CFDP1: variants seen among roughly 807,000 people sequenced by gnomAD.
CFDP1 encodes the protein heterochromatin-stabilizing protein CFDP1.
Under a neutral mutation model 40.1 loss-of-function variants are expected in CFDP1, and 31 were observed. The observed-to-expected ratio is 0.77, with a 90% CI of 0.58 to 1.04. CFDP1 has a LOEUF of 1.04. Among genes scored for constraint, CFDP1 ranks in the 50% least tolerant of loss-of-function variants. CFDP1 has a pLI of 0.00. For synonymous variants in CFDP1, 167 were observed against 120.0 expected, an observed-to-expected ratio of 1.39 and a Z score of -2.56; for missense variants, 423 against 343.4, an observed-to-expected ratio of 1.23 and a Z score of -1.83.
At chr16:75,357,459 T>C (rs1380374217) in intron 5 of CFDP1, among the ~76,000 whole-genome samples, 1 of 152,100 alleles carries the variant, frequency 6.6e-6, no homozygotes, top group Non-Finnish European at 1.5e-5. Flanking sequence ...TTCACCATAT[T>C]GGCCAGGCTG....
intron 5 of CFDP1, among the ~76,000 whole-genome samples, chr16:75,350,225 GAT>G (rs924132933): frequency 2.5e-4 from 38 of 152,264 alleles, no homozygotes; most frequent in African/African-American, 8.7e-4. Flanking sequence ...TTTTTGTGTG[GAT>G]ATATGTTTTC....
intron 5 of CFDP1, among the ~76,000 whole-genome samples, chr16:75,367,113 G>A (rs1442070999): frequency 6.8e-6 from 1 of 147,278 alleles, no homozygotes; most frequent in African/African-American, 2.5e-5. Flanking sequence ...GCAGCGAGCC[G>A]AGATGGCGCC....
chr16:75,321,198 C>G (rs12922951), intron 5 of CFDP1, among the ~76,000 whole-genome samples: 76,201 of 152,042 alleles, frequency 0.5, 20,669 homozygotes, highest in Admixed American at 0.66. Flanking sequence ...CTCCTGGGCT[C>G]AAGGGATCCT....
intron 5 of CFDP1, among the ~76,000 whole-genome samples, chr16:75,382,157 CTT>C (rs1274631231): frequency 2.0e-5 from 3 of 151,412 alleles, no homozygotes; most frequent in Non-Finnish European, 2.9e-5. Context: ...GCATACCAGT[CTT>C]ACTGAGAAGG....
At chr16:75,318,067 G>C (rs759481032) in intron 5 of CFDP1, among the ~76,000 whole-genome samples, 1 of 152,102 alleles carries the variant, frequency 6.6e-6, no homozygotes, top group Non-Finnish European at 1.5e-5. Context: ...GTTGCAGTGT[G>C]CCGAGATCGC....
chr16:75,303,927 T>C (rs2078240712), intron 6 of CFDP1, among the ~76,000 whole-genome samples: 1 of 152,174 alleles, frequency 6.6e-6, no homozygotes, highest in African/African-American at 2.4e-5. Flanking sequence ...GGTGGGACAC[T>C]CAACATTTCC....
chr16:75,309,053 G>T (rs950070017), intron 5 of CFDP1, among the ~76,000 whole-genome samples: 2 of 152,112 alleles, frequency 1.3e-5, no homozygotes, highest in Admixed American at 6.5e-5. Context: ...TTTATTTGAG[G>T]CTAAATCAAA....
At chr16:75,303,746 T>C (rs1290700114) in intron 6 of CFDP1, among the ~76,000 whole-genome samples, 1 of 152,212 alleles carries the variant, frequency 6.6e-6, no homozygotes, top group African/African-American at 2.4e-5. Context: ...ATATTACATA[T>C]ACGTAAGCAA....
chr16:75,303,156 C>T (rs983266666), intron 6 of CFDP1, among the ~76,000 whole-genome samples: 2 of 136,864 alleles, frequency 1.5e-5, no homozygotes, highest in African/African-American at 5.6e-5. Flanking sequence ...CCCAAGATCA[C>T]GCCATTGCAT....
intron 2 of CFDP1, among the ~76,000 whole-genome samples, 163 bp downstream of exon 2, chr16:75,414,415 C>CGAA (rs2079187049): frequency 2.0e-5 from 3 of 152,074 alleles, no homozygotes; most frequent in Non-Finnish European, 4.4e-5. Flanking sequence ...TAAAGCTTTC[C>CGAA]AGAGACCAAG....
intron 5 of CFDP1, among the ~76,000 whole-genome samples, chr16:75,307,380 T>G (rs1283241418): frequency 1.3e-5 from 2 of 151,894 alleles, no homozygotes; most frequent in Non-Finnish European, 2.9e-5. Context: ...CACACCTGGC[T>G]AATTTTTTGT....
At chr16:75,362,118 TG>T (rs2078683756) in intron 5 of CFDP1, among the ~76,000 whole-genome samples, 1 of 152,312 alleles carries the variant, frequency 6.6e-6, no homozygotes, top group South Asian at 2.1e-4. Flanking sequence ...CTACACAAAT[TG>T]GGTAATAAGT....
chr16:75,371,934 G>A (rs1233333105), intron 5 of CFDP1, among the ~76,000 whole-genome samples: 1 of 152,134 alleles, frequency 6.6e-6, no homozygotes, highest in Admixed American at 6.6e-5. Context: ...TAGGGAAAAG[G>A]GAAAAACTAC....
intron 4 of CFDP1, among the ~76,000 whole-genome samples, chr16:75,402,776 T>G (rs550866034): frequency 6.6e-6 from 1 of 152,320 alleles, no homozygotes; most frequent in African/African-American, 2.4e-5. Flanking sequence ...AGTCCCCTTA[T>G]GAGAATTCCT....
chr16:75,347,521 T>C (rs2078578023), intron 5 of CFDP1, among the ~76,000 whole-genome samples: 3 of 150,966 alleles, frequency 2.0e-5, no homozygotes, highest in South Asian at 4.2e-4. Context: ...CTACTAAAAA[T>C]ACAAAAAATT....
chr16:75,299,652 G>A (rs2078208879), intron 6 of CFDP1, among the ~76,000 whole-genome samples: 1 of 151,914 alleles, frequency 6.6e-6, no homozygotes, highest in Non-Finnish European at 1.5e-5. Context: ...ATGACTATCT[G>A]CTAGCTAGTG....
chr16:75,387,031 G>A (rs1488675456), intron 5 of CFDP1, among the ~76,000 whole-genome samples: 1 of 152,050 alleles, frequency 6.6e-6, no homozygotes, highest in African/African-American at 2.4e-5. Flanking sequence ...TACCTATAAA[G>A]GCTTATTTTA....
chr16:75,297,146 T>TTGTGTGTGTGTGTGTGTG, intron 6 of CFDP1, among the ~76,000 whole-genome samples: 1 of 133,084 alleles, frequency 7.5e-6, no homozygotes. Flanking sequence ...TTCCCATTTC[T>TTGTGTGTGTGTGTGTGTG]TGTGTGTGTG....
intron 6 of CFDP1, among the ~76,000 whole-genome samples, chr16:75,296,599 C>T (rs2078184126): frequency 6.6e-6 from 1 of 152,208 alleles, no homozygotes; most frequent in Admixed American, 6.5e-5. Context: ...AATAAAGGTC[C>T]TGCACGTTCC....
Sources: allele counts gnomAD v4.1 joint callset (sites outside exome capture counted in the v4.1 genomes callset), GRCh38; gene constraint gnomAD v4.1.1; transcripts MANE v1.5; gene names NCBI Gene and HGNC (gene_info 2026-07-23, HGNC 2026-07-21).